KCNG1: variants seen among roughly 807,000 people sequenced by gnomAD.
The protein encoded by KCNG1 is voltage-gated potassium channel regulatory subunit KCNG1.
In KCNG1, 17 loss-of-function variants were observed where a neutral mutation model predicts 32.4. The ratio of observed to expected loss-of-function variants is 0.52; its 90% CI spans 0.36 to 0.79. The LOEUF (loss-of-function observed/expected upper bound fraction) is 0.79, where lower values mean the gene tolerates loss of function less well. KCNG1 is among the 30% of genes least tolerant of loss of function. The pLI is 0.00. For missense variants in KCNG1, 441 were observed against 735.2 expected (o/e 0.60, Z 4.63); for synonymous variants, 358 against 339.9 (o/e 1.05, Z -0.59).
In KCNG1 at chr20:51,009,616, G is replaced by C; in HGVS notation, c.723C>G (p.Ala241=). The C allele has an allele frequency of 6.2e-7, 1 of 1,610,336 alleles. No homozygotes were observed. Residue 241 remains alanine (A), a synonymous_variant, in exon 2 of 3, where the codon GCC becomes GCG. Coordinates refer to ENST00000371571, the MANE Select transcript of KCNG1 (RefSeq NM_002237.4). ...GCAAGGTGCTGACGGAGAGGTTGAC[G>C]GCGGTGACGGTCACGAAGAGCACCG... The part of the protein sequence containing the change: ...CLSVLFVTVT[A]VNLSVSTLPS...
intron 1 of KCNG1, among the ~76,000 whole-genome samples, chr20:51,021,602 C>T (rs1439985505): frequency 1.3e-5 from 2 of 152,172 alleles, no homozygotes; most frequent in African/African-American, 4.8e-5. Context: ...AGACCAGTTC[C>T]TGCTCCCTCC....
intron 1 of KCNG1, among the ~76,000 whole-genome samples, chr20:51,019,672 C>A (rs1988400714): frequency 1.3e-5 from 2 of 152,012 alleles, no homozygotes; most frequent in African/African-American, 4.8e-5. Flanking sequence ...TCTCTCGTAC[C>A]ATGCCTCTCA....
In KCNG1 at chr20:51,004,552, G is replaced by A. The variant is rs772473814; in HGVS notation, c.1029C>T (p.Arg343=). ...SYLDKVGLVL[R]VLRALRILYV... ...ACAGGATGCGCAGCGCCCGCAGCACGCGCAGCACCAGCCCCACCTTGTCCA... is the reference window on the plus strand; with the variant it reads ...ACAGGATGCGCAGCGCCCGCAGCACACGCAGCACCAGCCCCACCTTGTCCA... The change falls in exon 3 of 3, where the codon CGC becomes CGT. Residue 343 remains arginine (R), a synonymous_variant. Coordinates refer to ENST00000371571, the MANE Select transcript of KCNG1 (RefSeq NM_002237.4). This position sits in a 1 kb window ranked among gnomAD's most constrained non-coding sequence, Gnocchi z 4.3. The A allele has an allele frequency of 7.6e-6, 12 of 1,584,952 alleles. 1 individual carries two copies. The South Asian group carries it at 1.4e-4, about 18-fold the overall frequency.
At position 51,004,143 on chromosome 20, in the gene KCNG1, G is replaced by T. The variant is rs537629531; in HGVS notation, c.1438C>A (p.Arg480=). ...LKQEQERVMF[R]RAQFLIKTKS... ...GTTTTGATGAGGAACTGCGCCCTCC[G>T]GAACATCACCCTCTCTTGCTCCTGC... is the stretch of plus-strand genomic sequence containing the variant. The change falls in exon 3 of 3, where the codon CGG becomes AGG. Residue 480 remains arginine (R), a synonymous_variant. Transcript: ENST00000371571. The surrounding 1 kb of genome is among the most constrained non-coding windows in gnomAD (Gnocchi z 4.3). The T allele has an allele frequency of 6.2e-7, 1 of 1,614,176 alleles. No individual in the cohort carries two copies. The highest frequency in any genetic ancestry group is 2.2e-5 in the East Asian group (1 of 44,882).
intron 1 of KCNG1, chr20:51,014,141 G>A (rs1323165984): frequency 6.6e-6 from 1 of 152,138 alleles, no homozygotes; most frequent in East Asian, 1.9e-4. Context: ...CTACTCGGAG[G>A]GTAATAAACA....
In KCNG1 at chr20:51,021,663, C is replaced by T. The variant is rs79185081; in HGVS notation, c.-27+1207G>A. On this transcript the variant is annotated intron_variant, in intron 1 of 2. Transcript: ENST00000371571. The stretch of plus-strand genomic sequence containing the variant: ...AGGGAGTCAGCAAAGGGGGTGGGGG[C>T]GTCTGTGTCTGTCTCCCTCTTCTAT... Among the ~76,000 whole-genome samples, 172 of 152,280 alleles carry T rather than the reference C, an allele frequency of 1.1e-3. 6 individuals carry two copies. In the East Asian group the frequency reaches 0.028, roughly 24 times the overall value.
chr20:51,020,147 C>G (rs1016851665), intron 1 of KCNG1, among the ~76,000 whole-genome samples: 1 of 152,184 alleles, frequency 6.6e-6, no homozygotes, highest in Non-Finnish European at 1.5e-5. Context: ...CAGGCTGCCT[C>G]GGGAGCCTCC....
Position 51,009,547 on chromosome 20 carries a change from C to T in KCNG1, c.774+18G>A. 3 of 1,569,604 alleles carry T rather than the reference C, an allele frequency of 1.9e-6. No homozygotes were observed. Among genetic ancestry groups the T allele is most frequent in the Middle Eastern group, 1.7e-4 (1 of 5,946 alleles). On this transcript the variant is annotated intron_variant, in intron 2 of 2. Transcript: ENST00000371571. ...TCCCTCGTGGTGGCGCGTTTCCCCG[C>T]GGGGCGTGGGCTCTTACCTGCTCCT...
intron 1 of KCNG1, among the ~76,000 whole-genome samples, chr20:51,018,694 G>C (rs1273870766): frequency 6.6e-6 from 1 of 152,166 alleles, no homozygotes; most frequent in Non-Finnish European, 1.5e-5. Context: ...TTCCTAAAAA[G>C]GTGGGCATTA....
At chr20:51,012,786 C>T (rs1445852899) in intron 1 of KCNG1, among the ~76,000 whole-genome samples, 1 of 152,230 alleles carries the variant, frequency 6.6e-6, no homozygotes, top group East Asian at 1.9e-4. Flanking sequence ...CAAACGCCAA[C>T]TGAGAAATGG....
chr20:51,004,054 G>A lies in KCNG1; in HGVS notation c.1527C>T (p.Thr509=), dbSNP rs751820981. Residue 509 remains threonine, a synonymous_variant, in exon 3 of 3, where the codon ACC becomes ACT. Coordinates refer to ENST00000371571, the MANE Select transcript of KCNG1 (RefSeq NM_002237.4). The surrounding 1 kb of genome is among the most constrained non-coding windows in gnomAD (Gnocchi z 4.3). ...TCCTCCGCGCTCAGTTATTGTCTCT[G>A]GTGTCCGAGGAGGCACTTCCGAACA... ...DILFGSASSD[T]RDNN 4 of 1,613,984 alleles carry A rather than the reference G, an allele frequency of 2.5e-6. No homozygotes were observed. In the South Asian group the frequency reaches 3.3e-5, roughly 13 times the overall value.
chr20:51,016,868 C>T (rs1301275950), intron 1 of KCNG1, among the ~76,000 whole-genome samples: 3 of 152,196 alleles, frequency 2.0e-5, no homozygotes, highest in Non-Finnish European at 4.4e-5. Flanking sequence ...CATCTGATCC[C>T]CGGATCCAAT....
rs1426916469 is a variant in KCNG1, at chr20:51,005,802, G to T, written c.775-996C>A. 6.6e-6 allele frequency: 1 copy of T among 152,306 alleles called. No individual in the cohort carries two copies. The highest frequency in any genetic ancestry group is 1.5e-5 in the Non-Finnish European group (1 of 68,114). 9.4% of individuals were successfully genotyped at this position (152,306 alleles called of 1,614,324 possible). ...GAGAGGAGAGGCCAGTGTGGTTCCAGCCTGGGGCATCTTGGAGGTTCTGGG... is the reference window on the plus strand; with the variant it reads ...GAGAGGAGAGGCCAGTGTGGTTCCATCCTGGGGCATCTTGGAGGTTCTGGG... On this transcript the variant is annotated intron_variant, in intron 2 of 2. Coordinates refer to ENST00000371571, the MANE Select transcript of KCNG1 (RefSeq NM_002237.4). This position sits in a 1 kb window ranked among gnomAD's most constrained non-coding sequence, Gnocchi z 4.0.
intron 2 of KCNG1, chr20:51,006,502 C>G (rs76035711): frequency 6.6e-6 from 1 of 152,150 alleles, no homozygotes; most frequent in Admixed American, 6.5e-5. Context: ...ATTCACTATG[C>G]ATCGCTTCTA....
chr20:51,004,387 G>C lies in KCNG1; in HGVS notation c.1194C>G (p.Ile398Met). 6.2e-7 allele frequency: 1 copy of C among 1,613,762 alleles called. No homozygotes were observed. The highest frequency in any genetic ancestry group is 8.5e-7 in the Non-Finnish European group (1 of 1,179,706). Residue 398 changes from isoleucine to methionine, a missense_variant, in exon 3 of 3, where the codon ATC (isoleucine) becomes ATG (methionine). Transcript: ENST00000371571. The surrounding 1 kb of genome is among the most constrained non-coding windows in gnomAD (Gnocchi z 4.3). ...CGGGGCTGTCGGCCATCTCGTTCTC[G>C]ATGACGTAGAGCAGGGGCGCGAAGA... ...IALFAPLLYV[I>M]ENEMADSPEF... is the part of the protein sequence containing the mutation.
Position 51,005,751 on chromosome 20 carries a change from C to T in KCNG1, c.775-945G>A, listed in dbSNP as rs1987802853. On this transcript the variant is annotated intron_variant, in intron 2 of 2. Coordinates refer to ENST00000371571, the MANE Select transcript of KCNG1 (RefSeq NM_002237.4). This position sits in a 1 kb window ranked among gnomAD's most constrained non-coding sequence, Gnocchi z 4.0. ...TAAACAGTCCTTTAGTGGATTTGGG[C>T]CTCATCCTTGAAGGGGCCTTTGGCA... 1 of 152,186 alleles carries T rather than the reference C, an allele frequency of 6.6e-6. No homozygotes were observed. Among genetic ancestry groups the T allele is most frequent in the Admixed American group, 6.5e-5 (1 of 15,278 alleles). 9.4% of individuals were successfully genotyped at this position (152,186 alleles called of 1,614,324 possible).
At chr20:51,010,474 C>G in intron 1 of KCNG1, 110 bp from the exon 2 acceptor site, 1 of 785,114 alleles carries the variant, frequency 1.3e-6, no homozygotes. Context: ...TTGTCCCCCA[C>G]ATCCATAGGT....
At chr20:51,008,852 C>A (rs1987943409) in intron 2 of KCNG1, among the ~76,000 whole-genome samples, 1 of 152,068 alleles carries the variant, frequency 6.6e-6, no homozygotes, top group Non-Finnish European at 1.5e-5. Flanking sequence ...TGGGCAGTGT[C>A]CTCAAATACC....
At chr20:51,009,503 G>T (rs1446787628) in intron 2 of KCNG1, 62 bp downstream of exon 2, 31 of 1,487,446 alleles carry the variant, frequency 2.1e-5, no homozygotes, top group Non-Finnish European at 2.7e-5. Context: ...TGGAGGAGGT[G>T]ACAATGCTCA....
Sources: gnomAD v4.1 joint callset for allele counts (sites outside exome capture counted in the v4.1 genomes callset) on GRCh38, gnomAD v4.1.1 for gene constraint, Gnocchi (gnomAD v3.1) non-coding constraint, MANE v1.5 for transcripts, NCBI Gene and HGNC (gene_info 2026-07-23, HGNC 2026-07-21) for gene names.